Variants in MSH5 observed in about 807,000 individuals in gnomAD.
MSH5 encodes the protein mutS protein homolog 5.
MSH5 carries 78 observed loss-of-function variants against 107.7 expected under a neutral mutation model. That is an observed-to-expected ratio of 0.72 (90% confidence interval 0.60 to 0.87). MSH5 has a LOEUF of 0.87. MSH5 is among the 40% of genes least tolerant of loss of function. The probability of loss-of-function intolerance (pLI) is 0.00; values close to 1 mark genes in which losing one functional copy is unlikely to be tolerated. For missense variants in MSH5, 889 were observed against 1,046.6 expected, an observed-to-expected ratio of 0.85 and a Z score of 2.08; for synonymous variants, 326 against 399.5, an observed-to-expected ratio of 0.82 and a Z score of 2.19.
chr6:31,756,874 C>T (rs1003181211), intron 12 of MSH5: 7 of 150,004 alleles, frequency 4.7e-5, no homozygotes, highest in Admixed American at 2.0e-4. Context: ...CTCTTGACCT[C>T]GTGATCCACC....
At chr6:31,754,635 C>T (rs1040066095) in intron 12 of MSH5, among the ~76,000 whole-genome samples, 12 of 152,180 alleles carry the variant, frequency 7.9e-5, no homozygotes, top group African/African-American at 2.9e-4. Context: ...CCTTAGCCTC[C>T]AGAGTAACTG....
chr6:31,742,828 T>G, intron 3 of MSH5, 49 bp from the exon 4 acceptor site: 3 of 1,587,220 alleles, frequency 1.9e-6, no homozygotes, highest in Non-Finnish European at 2.6e-6. Context: ...TTTCTCTTAG[T>G]CAAAGACAAA....
intron 10 of MSH5, among the ~76,000 whole-genome samples, chr6:31,749,412 C>T (rs537121107): frequency 1.3e-5 from 2 of 152,154 alleles, no homozygotes; most frequent in African/African-American, 2.4e-5. Context: ...CATCATGGCG[C>T]ATGCCTCTAG....
At chr6:31,745,827 G>C (rs1190732934) in intron 9 of MSH5, among the ~76,000 whole-genome samples, 1 of 148,670 alleles carries the variant, frequency 6.7e-6, no homozygotes, top group African/African-American at 2.5e-5. Flanking sequence ...GAGTGCAGTG[G>C]TGCAATATCA....
At chr6:31,742,001 A>G (rs3131380) in intron 3 of MSH5, among the ~76,000 whole-genome samples, 11,652 of 151,988 alleles carry the variant, frequency 0.077, 561 homozygotes, top group Non-Finnish European at 0.11. Flanking sequence ...ATACCCACCA[A>G]CACACTCCAG....
chr6:31,741,309 C>T (rs759086831), intron 3 of MSH5, 23 bp downstream of exon 3: 49 of 1,603,824 alleles, frequency 3.1e-5, no homozygotes, highest in Non-Finnish European at 4.0e-5. Context: ...CCATGAATTC[C>T]TCTGCTCTCT....
Position 31,740,582 on chromosome 6 carries a change from AG to A in MSH5, c.118del (p.Glu40LysfsTer71). On this transcript the variant is annotated frameshift_variant, in exon 2 of 25. Coordinates refer to ENST00000375750, the MANE Select transcript of MSH5 (RefSeq NM_172166.4). LOFTEE classifies it high-confidence loss of function. The surrounding 1 kb of genome is among the most constrained non-coding windows in gnomAD (Gnocchi z 4.4). ...CCGGGCCCCAGGGAGGCCGAGGAGG[AG>A]GAAGTCGAGGAGGAGGAGGAGCTGG... is the stretch of plus-strand genomic sequence containing the variant. ...PVPGPREAEE[E>X]EVEEEEELAE... The A allele has an allele frequency of 6.6e-7, 1 of 1,510,314 alleles. No individual in the cohort carries two copies. Among genetic ancestry groups the A allele is most frequent in the Non-Finnish European group, 8.8e-7 (1 of 1,131,924 alleles). The allele number at this position is 1,510,314 out of a possible 1,614,324, so 93.6% of individuals were successfully genotyped here. A position where few individuals can be genotyped will look rare whatever the true frequency, so the allele number is the denominator to read the frequency against.
At position 31,745,257 on chromosome 6, in the gene MSH5, G is replaced by A; in HGVS notation, c.704G>A (p.Ser235Asn). Residue 235 changes from serine (S) to asparagine (N), a missense_variant, in exon 9 of 25, where the codon AGT becomes AAT. Coordinates refer to ENST00000375750, the MANE Select transcript of MSH5 (RefSeq NM_172166.4). ...GACAGTGTTCTACAGATTTTTAAGA[G>A]TGAGTCTCACCCCTCAGTGTACAAA... ...DTYSVLQIFK[S>N]ESHPSVYKVA... 1 of 1,613,152 alleles carries A rather than the reference G, an allele frequency of 6.2e-7. No individual in the cohort carries two copies. Among genetic ancestry groups the A allele is most frequent in the Admixed American group, 1.7e-5 (1 of 59,990 alleles).
chr6:31,747,648 C>T (rs898188522), intron 10 of MSH5, among the ~76,000 whole-genome samples: 8 of 152,054 alleles, frequency 5.3e-5, no homozygotes, highest in Non-Finnish European at 7.4e-5. Context: ...TTGTTGTCAG[C>T]GCAGGTACAC....
In MSH5 at chr6:31,743,899, A is replaced by G. The variant is rs1225777315; in HGVS notation, c.416-5A>G. On this transcript the variant is annotated splice_region_variant and splice_polypyrimidine_tract_variant and intron_variant, in intron 5 of 24. Transcript: ENST00000375750. The stretch of plus-strand genomic sequence containing the variant: ...CCGTTCCCTTTGCTTGCCTCCCTCA[A>G]ATAGGTCTGGAGATAAGCAAACAAC... 1 of 1,612,790 alleles carries G rather than the reference A, an allele frequency of 6.2e-7. No homozygotes were observed. Among genetic ancestry groups the G allele is most frequent in the East Asian group, 2.2e-5 (1 of 44,888 alleles).
chr6:31,752,258 G>A (rs959731812), intron 10 of MSH5, among the ~76,000 whole-genome samples: 1 of 151,874 alleles, frequency 6.6e-6, no homozygotes, highest in Admixed American at 6.6e-5. Context: ...GGCCAAGATG[G>A]TGAAACCCCG....
rs990428469 is a variant in MSH5 at position 31,747,448 on chromosome 6, A to G, written c.812+16A>G. ...AGCTGCTCAGGTGAGTGGGTCCCACACATACTACACACTAATGCATGAATT... is the reference window on the plus strand; with the variant it reads ...AGCTGCTCAGGTGAGTGGGTCCCACGCATACTACACACTAATGCATGAATT... On this transcript the variant is annotated intron_variant, in intron 10 of 24. Coordinates refer to ENST00000375750, the MANE Select transcript of MSH5 (RefSeq NM_172166.4). 9 of 1,611,180 alleles carry G rather than the reference A, an allele frequency of 5.6e-6. No individual in the cohort carries two copies. The highest frequency in any genetic ancestry group is 7.6e-6 in the Non-Finnish European group (9 of 1,178,410).
intron 12 of MSH5, among the ~76,000 whole-genome samples, chr6:31,754,318 T>C (rs1284713175): frequency 2.0e-5 from 3 of 151,682 alleles, no homozygotes; most frequent in Non-Finnish European, 4.4e-5. Context: ...CTGGAGTGAT[T>C]TTTGTATTTT....
At chr6:31,748,626 G>A (rs9380268) in intron 10 of MSH5, among the ~76,000 whole-genome samples, 1 of 152,156 alleles carries the variant, frequency 6.6e-6, no homozygotes, top group East Asian at 1.9e-4. Context: ...ACAGGCATGA[G>A]TCACTGCGCC....
At chr6:31,745,742 A>G (rs867447426) in intron 9 of MSH5, among the ~76,000 whole-genome samples, 1 of 148,996 alleles carries the variant, frequency 6.7e-6, no homozygotes, top group South Asian at 2.1e-4. Context: ...ATATAGTTTC[A>G]TATCTCAGTA....
chr6:31,761,649 C>A lies in MSH5; in HGVS notation c.2181+34C>A. 6.2e-7 allele frequency: 1 copy of A among 1,613,866 alleles called. No homozygotes were observed. Among genetic ancestry groups the A allele is most frequent in the East Asian group, 2.2e-5 (1 of 44,886 alleles). On this transcript the variant is annotated intron_variant, in intron 22 of 24. Coordinates refer to ENST00000375750, the MANE Select transcript of MSH5 (RefSeq NM_172166.4). This position sits in a 1 kb window ranked among gnomAD's most constrained non-coding sequence, Gnocchi z 5.3. ...ACCAATCTAGCTCCTCGGGGACCCC[C>A]AGGCTGGGCATTTCCCAGAGGTGGG...
In MSH5 at chr6:31,760,928, C is replaced by T. The variant is rs2151379441; in HGVS notation, c.1962+89C>T. On this transcript the variant is annotated intron_variant, in intron 20 of 24. Coordinates refer to ENST00000375750, the MANE Select transcript of MSH5 (RefSeq NM_172166.4). This position sits in a 1 kb window ranked among gnomAD's most constrained non-coding sequence, Gnocchi z 5.6. Reference sequence around the variant, plus strand: ...TGCTCATAACAGGAAAGCATGCCCTCTGCTGCATGCCCTTTATACTAAAAG... The same window carrying T: ...TGCTCATAACAGGAAAGCATGCCCTTTGCTGCATGCCCTTTATACTAAAAG... 1 of 1,399,854 alleles carries T rather than the reference C, an allele frequency of 7.1e-7. No homozygotes were observed. Among genetic ancestry groups the T allele is most frequent in the South Asian group, 1.3e-5 (1 of 75,096 alleles). 86.7% of individuals were successfully genotyped at this position (1,399,854 alleles called of 1,614,324 possible).
intron 3 of MSH5, 96 bp downstream of exon 3, chr6:31,741,382 C>CAT (rs1554203363): frequency 1.2e-6 from 1 of 832,524 alleles, no homozygotes; most frequent in Non-Finnish European, 1.6e-6. Context: ...CACACACACA[C>CAT]ATATTTTTTT....
Position 31,759,775 on chromosome 6 carries a change from C to G in MSH5, c.1496-11C>G. 6.2e-7 allele frequency: 1 copy of G among 1,611,588 alleles called. No homozygotes were observed. The highest frequency in any genetic ancestry group is 1.7e-4 in the Middle Eastern group (1 of 6,046). On this transcript the variant is annotated splice_polypyrimidine_tract_variant and intron_variant, in intron 17 of 24. Coordinates refer to ENST00000375750, the MANE Select transcript of MSH5 (RefSeq NM_172166.4). The surrounding 1 kb of genome is among the most constrained non-coding windows in gnomAD (Gnocchi z 4.7). ...AACTGACCTCCAGCTCCCTTCCTCACCCACTCCCAGACCAGGAGACGCTGC... is the reference window on the plus strand; with the variant it reads ...AACTGACCTCCAGCTCCCTTCCTCAGCCACTCCCAGACCAGGAGACGCTGC...
Sources: gnomAD v4.1 joint callset for allele counts (sites outside exome capture counted in the v4.1 genomes callset) on GRCh38, gnomAD v4.1.1 for gene constraint, Gnocchi (gnomAD v3.1) non-coding constraint, MANE v1.5 for transcripts, NCBI Gene and HGNC (gene_info 2026-07-23, HGNC 2026-07-21) for gene names.